Variants in PCDH9 observed in about 807,000 individuals in gnomAD.
PCDH9 encodes protocadherin 9, also known as protocadherin-9.
PCDH9 carries 24 observed loss-of-function variants against 70.6 expected under a neutral mutation model. The ratio of observed to expected loss-of-function variants is 0.34; its 90% CI spans 0.25 to 0.48. PCDH9 has a LOEUF of 0.48. Among genes scored for constraint, PCDH9 ranks in the 20% least tolerant of loss-of-function variants. The probability of loss-of-function intolerance (pLI) is 0.99; values close to 1 mark genes in which losing one functional copy is unlikely to be tolerated. For synonymous variants in PCDH9, 562 were observed against 558.5 expected, an observed-to-expected ratio of 1.01 and a Z score of -0.09; for missense variants, 1,281 against 1,503.6, an observed-to-expected ratio of 0.85 and a Z score of 2.45.
intron 4 of PCDH9, among the ~76,000 whole-genome samples, chr13:66,420,970 C>G (rs550699210): frequency 6.6e-6 from 1 of 151,880 alleles, no homozygotes; most frequent in African/African-American, 2.4e-5. Context: ...CCAGAATAAC[C>G]AGTATAGACA....
intron 2 of PCDH9, among the ~76,000 whole-genome samples, chr13:67,173,221 A>G (rs994918919): frequency 1.3e-5 from 2 of 152,158 alleles, no homozygotes; most frequent in African/African-American, 2.4e-5. Flanking sequence ...CATTAAGATA[A>G]TTTTCCCTGT....
In PCDH9 at chr13:67,120,493, TTC is replaced by T. The variant is rs1283407086; in HGVS notation, c.3036+104910_3036+104911del. 1.1e-4 allele frequency among the ~76,000 whole-genome samples: 17 copies of T among 152,272 alleles called. 1 individual carries two copies. In the South Asian group the frequency reaches 3.1e-3, roughly 28 times the overall value. On this transcript the variant is annotated intron_variant, in intron 2 of 4. Transcript: ENST00000377865. ...ACCTACCCAGCCCTTGCTCCTTTGC[TTC>T]TTTTTTTCTCCTTTTTGTGCCACCT...
intron 4 of PCDH9, among the ~76,000 whole-genome samples, chr13:66,370,435 A>C (rs1956626694): frequency 6.6e-6 from 1 of 151,794 alleles, no homozygotes; most frequent in Admixed American, 6.6e-5. Context: ...TCATTACAAT[A>C]AATTGGACTT....
chr13:66,737,862 T>C (rs1423704863), intron 3 of PCDH9, among the ~76,000 whole-genome samples: 6 of 151,722 alleles, frequency 4.0e-5, no homozygotes, highest in Admixed American at 1.3e-4. Flanking sequence ...TGGAATCTCG[T>C]TGATTGCTAG....
At chr13:66,545,745 G>T (rs1201309724) in intron 4 of PCDH9, among the ~76,000 whole-genome samples, 5 of 151,934 alleles carry the variant, frequency 3.3e-5, no homozygotes, top group Non-Finnish European at 7.4e-5. Flanking sequence ...ACTTGATAAT[G>T]ATAATAATCT....
chr13:66,879,844 A>G (rs2081891583), intron 3 of PCDH9, among the ~76,000 whole-genome samples: 1 of 152,214 alleles, frequency 6.6e-6, no homozygotes, highest in Admixed American at 6.5e-5. Flanking sequence ...TTCCTAACAC[A>G]ATAAAATTAA....
At chr13:66,631,047 C>A (rs914448856) in intron 4 of PCDH9, among the ~76,000 whole-genome samples, 163 bp downstream of exon 4, 5 of 152,046 alleles carry the variant, frequency 3.3e-5, no homozygotes, top group African/African-American at 4.8e-5. Flanking sequence ...AAAATCATAT[C>A]AAACATATTA....
chr13:66,650,831 G>A (rs2077840927), intron 3 of PCDH9, among the ~76,000 whole-genome samples: 1 of 152,004 alleles, frequency 6.6e-6, no homozygotes, highest in African/African-American at 2.4e-5. Context: ...ATTATATCAA[G>A]TATCTTCTCT....
chr13:67,200,785 G>A (rs1418086314), intron 2 of PCDH9, among the ~76,000 whole-genome samples: 1 of 151,990 alleles, frequency 6.6e-6, no homozygotes. Context: ...GGGAGAGTGA[G>A]GGGGGAAGCC....
At chr13:66,648,454 C>T (rs1220118762) in intron 3 of PCDH9, among the ~76,000 whole-genome samples, 1 of 152,204 alleles carries the variant, frequency 6.6e-6, no homozygotes, top group African/African-American at 2.4e-5. Context: ...TATCGTAGAC[C>T]ACCAAGGTGG....
At chr13:66,806,566 G>A (rs1345497073) in intron 3 of PCDH9, among the ~76,000 whole-genome samples, 1 of 152,098 alleles carries the variant, frequency 6.6e-6, no homozygotes, top group Non-Finnish European at 1.5e-5. Context: ...AGTTTCTACA[G>A]CCCACACATA....
Position 66,441,010 on chromosome 13 carries a change from C to T in PCDH9, c.3341-135982G>A, listed in dbSNP as rs577945119. Among the ~76,000 whole-genome samples the T allele has an allele frequency of 1.1e-3, 166 of 152,252 alleles. 1 individual carries two copies. Among genetic ancestry groups the T allele is most frequent in the African/African-American group, 3.8e-3 (159 of 41,542 alleles). ...GTGACTCAACTTCATTCACCATGAT[C>T]GTTCTGTCTTTATTGAATTTTAATG... On this transcript the variant is annotated intron_variant, in intron 4 of 4. Transcript: ENST00000377865.
intron 3 of PCDH9, among the ~76,000 whole-genome samples, chr13:66,771,099 T>A (rs944285014): frequency 6.6e-6 from 1 of 152,066 alleles, no homozygotes; most frequent in Non-Finnish European, 1.5e-5. Flanking sequence ...AGAGAAGAGG[T>A]CTTGCTAAGT....
chr13:67,142,931 C>A (rs193194999), intron 2 of PCDH9, among the ~76,000 whole-genome samples: 2 of 151,844 alleles, frequency 1.3e-5, no homozygotes, highest in Non-Finnish European at 2.9e-5. Flanking sequence ...ATCGCTTGAA[C>A]CCCGGAGGCG....
intron 2 of PCDH9, among the ~76,000 whole-genome samples, chr13:67,179,492 T>C (rs2088559711): frequency 6.6e-6 from 1 of 152,100 alleles, no homozygotes; most frequent in Admixed American, 6.6e-5. Flanking sequence ...AGTGCATTGC[T>C]AGAGTAACTA....
At chr13:66,413,568 C>G (rs1957409399) in intron 4 of PCDH9, among the ~76,000 whole-genome samples, 1 of 151,852 alleles carries the variant, frequency 6.6e-6, no homozygotes, top group Admixed American at 6.6e-5. Context: ...CGCCTGTAGT[C>G]CCAGCTACTC....
intron 3 of PCDH9, among the ~76,000 whole-genome samples, chr13:66,837,419 CA>C (rs1555274366): frequency 6.6e-6 from 1 of 152,102 alleles, no homozygotes; most frequent in Non-Finnish European, 1.5e-5. Flanking sequence ...CACAACGAGG[CA>C]AAAACATACG....
intron 3 of PCDH9, among the ~76,000 whole-genome samples, chr13:66,653,329 T>A (rs1566483560): frequency 6.6e-6 from 1 of 152,062 alleles, no homozygotes; most frequent in Non-Finnish European, 1.5e-5. Context: ...ACCCTATTAA[T>A]CTGATTGTAA....
intron 3 of PCDH9, among the ~76,000 whole-genome samples, chr13:66,633,909 T>G (rs2077604196): frequency 6.6e-6 from 1 of 152,030 alleles, no homozygotes; most frequent in African/African-American, 2.4e-5. Flanking sequence ...TTCTTGCAGG[T>G]GGTCCTTGTA....
Sources: gnomAD v4.1 joint callset for allele counts (sites outside exome capture counted in the v4.1 genomes callset) on GRCh38, gnomAD v4.1.1 for gene constraint, MANE v1.5 for transcripts, NCBI Gene and HGNC (gene_info 2026-07-23, HGNC 2026-07-21) for gene names.